The following NUBPL variants were observed in gnomAD, a reference collection of about 807,000 sequenced individuals.
NUBPL encodes NUBP iron-sulfur cluster assembly factor, mitochondrial, also known as iron-sulfur cluster transfer protein NUBPL.
Under a neutral mutation model 45.7 loss-of-function variants are expected in NUBPL, and 31 were observed. The observed-to-expected ratio is 0.68, with a 90% CI of 0.51 to 0.92. The LOEUF is 0.92. NUBPL is among the 40% of genes least tolerant of loss of function. NUBPL has a pLI of 0.00. For missense variants in NUBPL, 401 were observed against 398.7 expected (o/e 1.01, Z -0.05); for synonymous variants, 144 against 140.9 (o/e 1.02, Z -0.15).
intron 4 of NUBPL, among the ~76,000 whole-genome samples, chr14:31,628,688 AG>A (rs556537199): frequency 2.5e-4 from 38 of 152,196 alleles, no homozygotes; most frequent in African/African-American, 9.2e-4. Flanking sequence ...AAATGCCTCT[AG>A]TTCAGCTTGC....
At chr14:31,797,929 G>C (rs2039495826) in intron 7 of NUBPL, among the ~76,000 whole-genome samples, 2 of 140,182 alleles carry the variant, frequency 1.4e-5, no homozygotes, top group East Asian at 4.2e-4. Context: ...GGGCAGGCCT[G>C]GTGGTGACAA....
At chr14:31,655,207 T>C (rs142977557) in intron 4 of NUBPL, among the ~76,000 whole-genome samples, 11 of 152,336 alleles carry the variant, frequency 7.2e-5, no homozygotes, top group Non-Finnish European at 1.5e-5. Context: ...TTTCAATTGA[T>C]AGATCCGTTA....
chr14:31,686,832 A>G (rs762779952), intron 6 of NUBPL: 5 of 152,330 alleles, frequency 3.3e-5, no homozygotes, highest in Admixed American at 2.0e-4. Flanking sequence ...ATTATTCAGT[A>G]TGGCTGGGCA....
chr14:31,657,327 G>C (rs547640953), intron 4 of NUBPL, among the ~76,000 whole-genome samples: 8 of 152,202 alleles, frequency 5.3e-5, no homozygotes, highest in African/African-American at 1.9e-4. Context: ...CAAATCTCTA[G>C]TGTAACTAAA....
intron 4 of NUBPL, among the ~76,000 whole-genome samples, chr14:31,620,277 T>C (rs1352565306): frequency 1.3e-5 from 2 of 152,114 alleles, no homozygotes; most frequent in African/African-American, 4.8e-5. Flanking sequence ...AGCCTACTAC[T>C]GTCAATTTGT....
rs3035713 is a variant in NUBPL at position 31,742,237 on chromosome 14, TACACACACACACACAC to T, written c.514-45515_514-45500del. On this transcript the variant is annotated intron_variant, in intron 6 of 10. Transcript: ENST00000281081. ...TATGAAACCAATTTTAACTATTGTG[TACACACACACACACAC>T]ACACACACACACACACACACACACA... is the stretch of plus-strand genomic sequence containing the variant. Among the ~76,000 whole-genome samples the T allele has an allele frequency of 1.5e-3, 208 of 141,476 alleles. 1 individual carries two copies. The highest frequency in any genetic ancestry group is 4.2e-3 in the African/African-American group (160 of 38,238). The allele number at this position is 141,476 out of a possible 152,430, so 92.8% of individuals were successfully genotyped here. A position where few individuals can be genotyped will look rare whatever the true frequency, so the allele number is the denominator to read the frequency against.
At chr14:31,757,830 C>G (rs1381274247) in intron 6 of NUBPL, among the ~76,000 whole-genome samples, 2 of 152,062 alleles carry the variant, frequency 1.3e-5, no homozygotes, top group Non-Finnish European at 2.9e-5. Flanking sequence ...GAGGTTCAAC[C>G]TAGTCTGACC....
intron 7 of NUBPL, among the ~76,000 whole-genome samples, chr14:31,820,550 G>C (rs1454891148): frequency 6.6e-6 from 1 of 152,192 alleles, no homozygotes; most frequent in East Asian, 1.9e-4. Flanking sequence ...GGGGCCGTGT[G>C]CGGTGGTGCA....
At chr14:31,649,675 A>G (rs1195879900) in intron 4 of NUBPL, among the ~76,000 whole-genome samples, 6 of 152,212 alleles carry the variant, frequency 3.9e-5, no homozygotes, top group African/African-American at 1.4e-4. Flanking sequence ...AGAAATTAAA[A>G]ATATGAGGAG....
rs536155575 is a variant in NUBPL at position 31,637,326 on chromosome 14, C to G, written c.383-36029C>G. ...TTGGTTTCAAAGAACATCTTTATTTCTACCTTCATTTCGTTATGCACCCAG... is the reference window on the plus strand; with the variant it reads ...TTGGTTTCAAAGAACATCTTTATTTGTACCTTCATTTCGTTATGCACCCAG... On this transcript the variant is annotated intron_variant, in intron 4 of 10. Coordinates refer to ENST00000281081, the MANE Select transcript of NUBPL (RefSeq NM_025152.3). Among the ~76,000 whole-genome samples the G allele has an allele frequency of 3.9e-5, 6 of 152,316 alleles. No homozygotes were observed. The South Asian group carries it at 1.2e-3, about 32-fold the overall frequency.
intron 7 of NUBPL, among the ~76,000 whole-genome samples, chr14:31,798,532 C>T (rs879715456): frequency 1.5e-4 from 23 of 151,448 alleles, no homozygotes; most frequent in Non-Finnish European, 3.1e-4. Context: ...GTGGCTCACG[C>T]CTGTAATCCC....
At chr14:31,605,795 C>T (rs2034572647) in intron 4 of NUBPL, among the ~76,000 whole-genome samples, 1 of 149,930 alleles carries the variant, frequency 6.7e-6, no homozygotes, top group African/African-American at 2.5e-5. Flanking sequence ...TTTCCTTCCT[C>T]CTCCTCCTCT....
At chr14:31,624,423 A>C (rs2035151307) in intron 4 of NUBPL, among the ~76,000 whole-genome samples, 1 of 152,134 alleles carries the variant, frequency 6.6e-6, no homozygotes, top group Non-Finnish European at 1.5e-5. Flanking sequence ...TTAAGGAGAG[A>C]GGTTTGGGTT....
chr14:31,739,254 T>TATA (rs1566533850), intron 6 of NUBPL, among the ~76,000 whole-genome samples: 1 of 100,858 alleles, frequency 9.9e-6, no homozygotes, highest in Non-Finnish European at 1.8e-5. Context: ...ATATATATAT[T>TATA]TTTTTTTTTT....
chr14:31,812,266 T>G (rs113712525), intron 7 of NUBPL, among the ~76,000 whole-genome samples: 11,634 of 152,278 alleles, frequency 0.076, 498 homozygotes, highest in Non-Finnish European at 0.092. Context: ...TACAGAGACA[T>G]TTGGGCCTCG....
chr14:31,746,247 G>A (rs1354607019), intron 6 of NUBPL, among the ~76,000 whole-genome samples: 4 of 151,934 alleles, frequency 2.6e-5, no homozygotes, highest in South Asian at 2.1e-4. Flanking sequence ...TGGCAAGAGT[G>A]GGCATCCTTG....
chr14:31,608,850 G>A lies in NUBPL; in HGVS notation c.382+9471G>A, dbSNP rs141771634. On this transcript the variant is annotated intron_variant, in intron 4 of 10. Coordinates refer to ENST00000281081, the MANE Select transcript of NUBPL (RefSeq NM_025152.3). ...AGGCCACAGACTGGTACTGGTTTGC[G>A]GCCTGGGGGTTGGGGACCCCTGGGT... 6.5e-3 allele frequency among the ~76,000 whole-genome samples: 992 copies of A among 152,232 alleles called. 11 individuals are homozygous for A. The highest frequency in any genetic ancestry group is 0.022 in the African/African-American group (926 of 41,556).
At chr14:31,813,042 T>G (rs966254813) in intron 7 of NUBPL, among the ~76,000 whole-genome samples, 4 of 147,576 alleles carry the variant, frequency 2.7e-5, no homozygotes, top group Non-Finnish European at 5.9e-5. Context: ...TGGAGTGCAG[T>G]GTAGTGGTGT....
intron 4 of NUBPL, among the ~76,000 whole-genome samples, chr14:31,672,303 G>A (rs2139808460): frequency 6.6e-6 from 1 of 151,348 alleles, no homozygotes; most frequent in South Asian, 2.1e-4. Context: ...GTGTGTGTGT[G>A]TGTGCATGCA....
Sources: gnomAD v4.1 joint callset for allele counts (sites outside exome capture counted in the v4.1 genomes callset) on GRCh38, gnomAD v4.1.1 for gene constraint, MANE v1.5 for transcripts, NCBI Gene and HGNC (gene_info 2026-07-23, HGNC 2026-07-21) for gene names.